Variants in COG5 observed in about 807,000 individuals in gnomAD.
COG5 encodes the protein conserved oligomeric Golgi complex subunit 5.
In COG5, 86 loss-of-function variants were observed where a neutral mutation model predicts 110.4. The observed-to-expected ratio is 0.78, with a 90% CI of 0.65 to 0.93. The LOEUF (loss-of-function observed/expected upper bound fraction) is 0.93, where lower values mean the gene tolerates loss of function less well. Among genes scored for constraint, COG5 ranks in the 40% least tolerant of loss-of-function variants. COG5 has a pLI of 0.00. For missense variants in COG5, 1,077 were observed against 987.0 expected (o/e 1.09, Z -1.22); for synonymous variants, 360 against 334.6 (o/e 1.08, Z -0.83).
intron 6 of COG5, among the ~76,000 whole-genome samples, chr7:107,504,287 T>C (rs1798825482): frequency 6.6e-6 from 1 of 152,240 alleles, no homozygotes; most frequent in South Asian, 2.1e-4. Context: ...TCTGTTTATG[T>C]GATATATCAC....
intron 6 of COG5, among the ~76,000 whole-genome samples, chr7:107,506,016 T>C (rs893338437): frequency 6.6e-6 from 1 of 152,146 alleles, no homozygotes; most frequent in African/African-American, 2.4e-5. Flanking sequence ...ATTCCTTGGT[T>C]ATGGATAGTC....
chr7:107,210,652 G>T lies in COG5; in HGVS notation c.2296-47C>A, dbSNP rs773819098. On this transcript the variant is annotated intron_variant, in intron 20 of 21. Transcript: ENST00000297135. ...AGAGAGAGTGCATACGCATTCTTTA[G>T]TAAATGGCAGCAAGTGCTGGTTCGA... 59 of 1,544,492 alleles carry T rather than the reference G, an allele frequency of 3.8e-5. 1 individual carries two copies. The highest frequency in any genetic ancestry group is 4.9e-5 in the Non-Finnish European group (56 of 1,136,498).
intron 6 of COG5, among the ~76,000 whole-genome samples, chr7:107,488,683 C>T (rs1426601989): frequency 6.6e-6 from 1 of 151,768 alleles, no homozygotes; most frequent in African/African-American, 2.4e-5. Flanking sequence ...CATCCCTCCA[C>T]AAAAAATACA....
chr7:107,205,241 T>C (rs1185037250), intron 21 of COG5, among the ~76,000 whole-genome samples: 4 of 152,214 alleles, frequency 2.6e-5, no homozygotes, highest in Non-Finnish European at 5.9e-5. Flanking sequence ...TCAACAGCCT[T>C]GACTTAGCAG....
intron 10 of COG5, among the ~76,000 whole-genome samples, chr7:107,326,823 T>C (rs561517531): frequency 1.3e-5 from 2 of 152,206 alleles, no homozygotes; most frequent in Admixed American, 1.3e-4. Context: ...TATCCAAATA[T>C]CTTTCTTGAG....
intron 10 of COG5, among the ~76,000 whole-genome samples, chr7:107,326,539 A>C (rs1809781874): frequency 6.6e-6 from 1 of 152,114 alleles, no homozygotes. Context: ...GAAGAAAACT[A>C]CCCTACTTTT....
At position 107,258,202 on chromosome 7, in the gene COG5, T is replaced by C. The variant is rs1333919049; in HGVS notation, c.1686+71A>G. On this transcript the variant is annotated intron_variant, in intron 15 of 21. Coordinates refer to ENST00000297135, the MANE Select transcript of COG5 (RefSeq NM_006348.5). Reference sequence around the variant, plus strand: ...CTTTTCCAAAGTACTAAATAACAATTTGTAAACTGTCCAAATTTGAGGCAA... The same window carrying C: ...CTTTTCCAAAGTACTAAATAACAATCTGTAAACTGTCCAAATTTGAGGCAA... The C allele has an allele frequency of 5.5e-6, 5 of 902,620 alleles. No individual in the cohort carries two copies. The East Asian group carries it at 1.3e-4, about 23-fold the overall frequency. 55.9% of individuals were successfully genotyped at this position (902,620 alleles called of 1,614,324 possible).
At chr7:107,547,792 C>T (rs1336078163) in intron 5 of COG5, among the ~76,000 whole-genome samples, 1 of 141,344 alleles carries the variant, frequency 7.1e-6, no homozygotes, top group Non-Finnish European at 1.6e-5. Flanking sequence ...ACAATAGCTA[C>T]AAAAAAAAAA....
intron 1 of COG5, among the ~76,000 whole-genome samples, chr7:107,560,046 G>A (rs769019978): frequency 2.0e-5 from 3 of 152,202 alleles, no homozygotes; most frequent in Non-Finnish European, 2.9e-5. Context: ...GCTGTATAGA[G>A]GATGATGGAA....
chr7:107,434,325 A>T (rs1450179248), intron 6 of COG5, among the ~76,000 whole-genome samples: 2 of 152,196 alleles, frequency 1.3e-5, no homozygotes, highest in Non-Finnish European at 2.9e-5. Flanking sequence ...TGGGGCATAC[A>T]CCCAAAAAAA....
intron 10 of COG5, among the ~76,000 whole-genome samples, chr7:107,330,112 C>T (rs1455191538): frequency 2.0e-5 from 3 of 152,150 alleles, no homozygotes; most frequent in Admixed American, 1.3e-4. Flanking sequence ...TGACAATGAT[C>T]TATTTATAAC....
Position 107,474,386 on chromosome 7 carries a change from G to A in COG5, c.538+52851C>T. The A allele has an allele frequency of 6.2e-7, 1 of 1,612,724 alleles. No individual in the cohort carries two copies. The highest frequency in any genetic ancestry group is 8.5e-7 in the Non-Finnish European group (1 of 1,178,958). On this transcript the variant is annotated intron_variant, in intron 6 of 21. Transcript: ENST00000297135. This position sits in a 1 kb window ranked among gnomAD's most constrained non-coding sequence, Gnocchi z 5.7. The stretch of plus-strand genomic sequence containing the variant: ...GTTATCCTTCTGCTTTCACTGGAGA[G>A]TAACACTGCTCTCATTTGCTGTTTC...
At chr7:107,444,599 A>G (rs553093730) in intron 6 of COG5, among the ~76,000 whole-genome samples, 2 of 152,324 alleles carry the variant, frequency 1.3e-5, no homozygotes, top group African/African-American at 4.8e-5. Flanking sequence ...CACATTGTTA[A>G]TATCTTTTTG....
intron 19 of COG5, among the ~76,000 whole-genome samples, chr7:107,216,400 A>G (rs763208921): frequency 1.3e-5 from 2 of 152,234 alleles, no homozygotes; most frequent in Non-Finnish European, 2.9e-5. Context: ...GACCAAATGG[A>G]CCCAACAGAC....
chr7:107,404,097 A>G (rs1052550948), intron 7 of COG5, among the ~76,000 whole-genome samples: 2 of 152,190 alleles, frequency 1.3e-5, no homozygotes, highest in Admixed American at 6.5e-5. Context: ...GAGAATTTTT[A>G]GTGTTATTAA....
intron 14 of COG5, among the ~76,000 whole-genome samples, chr7:107,261,890 CTTTGA>C (rs1224392627): frequency 6.6e-6 from 1 of 150,662 alleles, no homozygotes; most frequent in Non-Finnish European, 1.5e-5. Context: ...TTATGCTTCT[CTTTGA>C]TTTTTTTTTT....
intron 10 of COG5, among the ~76,000 whole-genome samples, chr7:107,356,312 T>A (rs891920876): frequency 1.3e-4 from 20 of 152,326 alleles, no homozygotes; most frequent in African/African-American, 4.8e-4. Flanking sequence ...TGATATGGAA[T>A]TAATAATGTA....
At chr7:107,205,914 T>C (rs1798736263) in intron 21 of COG5, among the ~76,000 whole-genome samples, 1 of 151,478 alleles carries the variant, frequency 6.6e-6, no homozygotes, top group Non-Finnish European at 1.5e-5. Context: ...AAATCAGGTA[T>C]GCAGGGGGAT....
At position 107,244,191 on chromosome 7, in the gene COG5, G is replaced by A. The variant is rs565761095; in HGVS notation, c.1853+4205C>T. Among the ~76,000 whole-genome samples, 3 of 152,290 alleles carry A rather than the reference G, an allele frequency of 2.0e-5. No individual in the cohort carries two copies. The East Asian group carries it at 5.8e-4, about 29-fold the overall frequency. ...CGCTTGAACCGAGGAGGTGGAGGCA[G>A]CAGTGAGCCAAGATCACGCCACTGC... On this transcript the variant is annotated intron_variant, in intron 17 of 21. Coordinates refer to ENST00000297135, the MANE Select transcript of COG5 (RefSeq NM_006348.5).
Sources: allele counts gnomAD v4.1 joint callset (sites outside exome capture counted in the v4.1 genomes callset), GRCh38; gene constraint gnomAD v4.1.1; non-coding constraint Gnocchi (gnomAD v3.1); transcripts MANE v1.5; gene names NCBI Gene and HGNC (gene_info 2026-07-23, HGNC 2026-07-21).